Variants in PIBF1 observed in about 807,000 individuals in gnomAD.
PIBF1 encodes progesterone immunomodulatory binding factor 1.
Under a neutral mutation model 112.5 loss-of-function variants are expected in PIBF1, and 90 were observed. That is an observed-to-expected ratio of 0.80 (90% CI 0.67 to 0.95). The LOEUF is 0.95. Among genes scored for constraint, PIBF1 ranks in the 40% least tolerant of loss-of-function variants. PIBF1 has a pLI of 0.00. For synonymous variants in PIBF1, 301 were observed against 288.6 expected (o/e 1.04, Z -0.44); for missense variants, 915 against 852.3 (o/e 1.07, Z -0.92).
chr13:72,874,999 C>T (rs1456261445), intron 10 of PIBF1, among the ~76,000 whole-genome samples: 1 of 152,126 alleles, frequency 6.6e-6, no homozygotes, highest in Non-Finnish European at 1.5e-5. Context: ...ACTTTCATTT[C>T]TGGTCCAAGT....
chr13:72,837,415 A>G (rs1221834526), intron 9 of PIBF1, among the ~76,000 whole-genome samples: 1 of 152,108 alleles, frequency 6.6e-6, no homozygotes, highest in Non-Finnish European at 1.5e-5. Flanking sequence ...CAAGTAGCTC[A>G]AAGAAATATT....
intron 17 of PIBF1, among the ~76,000 whole-genome samples, chr13:73,011,204 C>T (rs2044193273): frequency 6.6e-6 from 1 of 152,060 alleles, no homozygotes; most frequent in African/African-American, 2.4e-5. Flanking sequence ...TAGGCCAATA[C>T]AGAGAATGAT....
At chr13:72,815,543 T>G (rs957351664) in intron 5 of PIBF1, among the ~76,000 whole-genome samples, 1 of 152,194 alleles carries the variant, frequency 6.6e-6, no homozygotes, top group Non-Finnish European at 1.5e-5. Flanking sequence ...GATTAACATA[T>G]TAATCAAATG....
chr13:72,911,185 T>G (rs1011440527), intron 12 of PIBF1, among the ~76,000 whole-genome samples: 2 of 151,862 alleles, frequency 1.3e-5, no homozygotes, highest in African/African-American at 4.8e-5. Flanking sequence ...CGTGACCTCC[T>G]CTCCTCCACA....
At chr13:72,798,786 G>A (rs992835604) in intron 5 of PIBF1, among the ~76,000 whole-genome samples, 11 of 151,994 alleles carry the variant, frequency 7.2e-5, no homozygotes, top group African/African-American at 2.4e-4. Context: ...CAAATATTTC[G>A]TTATTCTAAA....
chr13:72,959,465 T>C (rs2042547387), intron 14 of PIBF1, among the ~76,000 whole-genome samples: 1 of 152,170 alleles, frequency 6.6e-6, no homozygotes, highest in African/African-American at 2.4e-5. Flanking sequence ...CCACCACTGC[T>C]AGAAAGTATC....
chr13:72,935,960 TA>T (rs2041859849), intron 14 of PIBF1, among the ~76,000 whole-genome samples: 1 of 152,014 alleles, frequency 6.6e-6, no homozygotes, highest in African/African-American at 2.4e-5. Context: ...GATTTACAAA[TA>T]TTTTTTCCCA....
chr13:72,974,309 TATAGA>T (rs1237668837), intron 16 of PIBF1: 1 of 152,248 alleles, frequency 6.6e-6, no homozygotes, highest in African/African-American at 2.4e-5. Flanking sequence ...ACAATCAATA[TATAGA>T]ATAGTTCTAT....
Position 72,892,477 on chromosome 13 carries a change from T to C in PIBF1, c.1323-1307T>C, listed in dbSNP as rs2040095050. Among the ~76,000 whole-genome samples the C allele has an allele frequency of 2.0e-5, 3 of 152,080 alleles. No homozygotes were observed. The South Asian group carries it at 6.2e-4, about 31-fold the overall frequency. Reference sequence around the variant, plus strand: ...AGTGAAATAGCCTTTAAAAAGCATTTTAAAGTTTATCTTACCTCAGAAATG... The same window carrying C: ...AGTGAAATAGCCTTTAAAAAGCATTCTAAAGTTTATCTTACCTCAGAAATG... On this transcript the variant is annotated intron_variant, in intron 10 of 17. Transcript: ENST00000326291.
At chr13:72,874,308 T>C (rs2039299484) in intron 10 of PIBF1, among the ~76,000 whole-genome samples, 1 of 152,208 alleles carries the variant, frequency 6.6e-6, no homozygotes, top group Non-Finnish European at 1.5e-5. Flanking sequence ...TGTAAATGTT[T>C]ATAGCTGCTA....
chr13:72,912,352 T>G (rs75295809), intron 12 of PIBF1, among the ~76,000 whole-genome samples: 1 of 152,256 alleles, frequency 6.6e-6, no homozygotes, highest in East Asian at 1.9e-4. Context: ...ATAGTCCTGT[T>G]TAAAACATGG....
At chr13:72,987,842 ATTTATTTATTTATTTATTTTTTTTTT>A (rs1221531887) in intron 16 of PIBF1, among the ~76,000 whole-genome samples, 1 of 66,438 alleles carries the variant, frequency 1.5e-5, no homozygotes, top group African/African-American at 6.9e-5. Context: ...TTTGTAATTT[ATTTATTTATTTATTTATTTTTTTTTT>A]TTTTTTTTTT....
chr13:72,995,998 GA>G (rs1313579297), intron 16 of PIBF1, among the ~76,000 whole-genome samples: 1 of 131,518 alleles, frequency 7.6e-6, no homozygotes, highest in Non-Finnish European at 1.6e-5. Context: ...GAAAATATAG[GA>G]AAAAAACATG....
At chr13:72,943,623 T>G (rs2042069483) in intron 14 of PIBF1, among the ~76,000 whole-genome samples, 1 of 152,214 alleles carries the variant, frequency 6.6e-6, no homozygotes, top group Non-Finnish European at 1.5e-5. Flanking sequence ...TTGATTCTAA[T>G]CTACTTCTCA....
chr13:72,824,806 T>G (rs1240107250), intron 6 of PIBF1, among the ~76,000 whole-genome samples: 1 of 152,198 alleles, frequency 6.6e-6, no homozygotes, highest in Non-Finnish European at 1.5e-5. Flanking sequence ...TACCTTAACC[T>G]AGTGATCAAA....
In PIBF1 at chr13:72,835,377, A is replaced by AC; in HGVS notation, c.1223+9_1223+10insC. ...TATGAACGAGAAAACAGGTAAAAAA[A>AC]AAAAAATGCTTGTATGGTATTTTAT... On this transcript the variant is annotated intron_variant, in intron 9 of 17. Transcript: ENST00000326291. 9.6e-6 allele frequency: 15 copies of AC among 1,557,726 alleles called. No individual in the cohort carries two copies. The highest frequency in any genetic ancestry group is 1.3e-5 in the Non-Finnish European group (15 of 1,159,716).
chr13:72,875,538 C>T (rs1217778420), intron 10 of PIBF1, among the ~76,000 whole-genome samples: 2 of 152,072 alleles, frequency 1.3e-5, no homozygotes, highest in Non-Finnish European at 1.5e-5. Flanking sequence ...GTGGCTATAT[C>T]GGTATGCATC....
intron 12 of PIBF1, 121 bp downstream of exon 12, chr13:72,908,802 A>T: frequency 1.2e-6 from 1 of 829,050 alleles, no homozygotes; most frequent in Non-Finnish European, 1.8e-6. Flanking sequence ...TAATCTTAGC[A>T]CTTTGGGCGG....
chr13:72,952,035 CTTTTT>C (rs67211238), intron 14 of PIBF1, among the ~76,000 whole-genome samples: 1 of 123,000 alleles, frequency 8.1e-6, no homozygotes. Flanking sequence ...TTTCTTTTCT[CTTTTT>C]TTTTTTTTTT....
Sources: gnomAD v4.1 joint callset for allele counts (sites outside exome capture counted in the v4.1 genomes callset) on GRCh38, gnomAD v4.1.1 for gene constraint, MANE v1.5 for transcripts, NCBI Gene and HGNC (gene_info 2026-07-23, HGNC 2026-07-21) for gene names.